Variants in IL17RA observed in about 807,000 individuals in gnomAD.
The protein encoded by IL17RA is interleukin 17 receptor A.
In IL17RA, 34 loss-of-function variants were observed where a neutral mutation model predicts 50.4. The ratio of observed to expected loss-of-function variants is 0.67; its 90% CI spans 0.51 to 0.90. IL17RA has a LOEUF of 0.90. IL17RA is among the 40% of genes least tolerant of loss of function. The pLI is 0.00. For missense variants in IL17RA, 1,276 were observed against 1,169.8 expected, an observed-to-expected ratio of 1.09 and a Z score of -1.32; for synonymous variants, 585 against 510.4, an observed-to-expected ratio of 1.15 and a Z score of -1.97.
intron 10 of IL17RA, 102 bp from the exon 11 acceptor site, chr22:17,105,751 G>C (rs1454256084): frequency 7.2e-7 from 1 of 1,394,112 alleles, no homozygotes. Context: ...GTCGTGGTGG[G>C]GCCAGAGAGG....
Position 17,108,356 on chromosome 22 carries a change from G to C in IL17RA, c.1137G>C (p.Lys379Asn), listed in dbSNP as rs879576. 1.2e-6 allele frequency: 2 copies of C among 1,613,996 alleles called. No individual in the cohort carries two copies. The highest frequency in any genetic ancestry group is 1.7e-6 in the Non-Finnish European group (2 of 1,179,984). ...TCCCCCCACCGCTGAAGCCCAGGAA[G>C]GTCTGGATCATCTACTCAGCCGACC... Reference protein sequence around the residue: ...DLIPPPLKPRKVWIIYSADHP... With the variant: ...DLIPPPLKPRNVWIIYSADHP... The change falls in exon 13 of 13, where the codon AAG (lysine) becomes AAC (asparagine). Residue 379 changes from lysine (K) to asparagine (N), a missense_variant. Physicochemically the swap from Lys to Asn is moderately conservative, Grantham distance 94. Coordinates refer to ENST00000319363, the MANE Select transcript of IL17RA (RefSeq NM_014339.7).
In IL17RA at chr22:17,110,111, T is replaced by G. The variant is rs2061434704; in HGVS notation, c.*291T>G. The G allele has an allele frequency of 4.4e-6, 2 of 456,302 alleles. No individual in the cohort carries two copies. The highest frequency in any genetic ancestry group is 2.2e-5 in the South Asian group (1 of 46,098). 28.3% of individuals were successfully genotyped at this position (456,302 alleles called of 1,614,324 possible). Reference sequence around the variant, plus strand: ...CATTCAGCATTTATTGTGCACCTACTATGTGGCGGGCATTTGGGATACCAA... The same window carrying G: ...CATTCAGCATTTATTGTGCACCTACGATGTGGCGGGCATTTGGGATACCAA... On this transcript the variant is annotated 3_prime_UTR_variant, in exon 13 of 13. Transcript: ENST00000319363.
Position 17,111,748 on chromosome 22 carries a change from A to G in IL17RA, c.*1928A>G, listed in dbSNP as rs1420244049. On this transcript the variant is annotated 3_prime_UTR_variant, in exon 13 of 13. Coordinates refer to ENST00000319363, the MANE Select transcript of IL17RA (RefSeq NM_014339.7). ...TGCATGTGTGTGTGCGCACACATAC[A>G]TGTGCGTGAAAGATTATCAATAAAA... The G allele has an allele frequency of 6.6e-6, 1 of 152,216 alleles. No individual in the cohort carries two copies. The highest frequency in any genetic ancestry group is 1.5e-5 in the Non-Finnish European group (1 of 68,042). 9.4% of individuals were successfully genotyped at this position (152,216 alleles called of 1,614,324 possible).
chr22:17,107,841 G>A, intron 12 of IL17RA, 73 bp downstream of exon 12: 1 of 1,344,490 alleles, frequency 7.4e-7, no homozygotes, highest in Non-Finnish European at 1.1e-6. Context: ...AAGTGCGTGG[G>A]TCGCCTCCTG....
intron 3 of IL17RA, 25 bp from the exon 4 acceptor site, chr22:17,098,750 G>C: frequency 6.3e-7 from 1 of 1,591,952 alleles, no homozygotes; most frequent in Non-Finnish European, 8.6e-7. Context: ...GCATCTGTTT[G>C]TCTTCTCTTC....
intron 2 of IL17RA, chr22:17,097,501 C>A (rs1009209230): frequency 1.3e-5 from 7 of 545,282 alleles, no homozygotes; most frequent in African/African-American, 1.1e-4. Flanking sequence ...GCAGCTCTTA[C>A]TACAACTGCA....
chr22:17,086,276 C>A (rs1260680784), intron 1 of IL17RA, among the ~76,000 whole-genome samples: 1 of 151,850 alleles, frequency 6.6e-6, no homozygotes, highest in African/African-American at 2.4e-5. Flanking sequence ...TGCTCAGTAT[C>A]TGAGTCAGAG....
intron 12 of IL17RA, among the ~76,000 whole-genome samples, 187 bp from the exon 13 acceptor site, chr22:17,108,120 A>T (rs1180394562): frequency 6.6e-6 from 1 of 152,180 alleles, no homozygotes; most frequent in Non-Finnish European, 1.5e-5. Context: ...CAGCAGACTG[A>T]TTTTTTTCAG....
chr22:17,087,503 C>T (rs982122569), intron 1 of IL17RA, among the ~76,000 whole-genome samples: 3 of 152,204 alleles, frequency 2.0e-5, no homozygotes, highest in African/African-American at 4.8e-5. Context: ...GCACAGGATG[C>T]GGGGGCTATT....
chr22:17,100,140 TTAA>T (rs1568919431), intron 4 of IL17RA, among the ~76,000 whole-genome samples: 4 of 76,378 alleles, frequency 5.2e-5, no homozygotes, highest in African/African-American at 2.0e-4. Flanking sequence ...AGATCCAGGT[TTAA>T]AAAAAAAAAA....
chr22:17,098,078 A>G (rs2061374815), intron 3 of IL17RA, 135 bp downstream of exon 3: 1 of 983,382 alleles, frequency 1.0e-6, no homozygotes, highest in Non-Finnish European at 1.6e-6. Context: ...AGGATCCGTC[A>G]TTTCATGCAG....
At chr22:17,088,725 T>C (rs1247568866) in intron 1 of IL17RA, among the ~76,000 whole-genome samples, 1 of 152,142 alleles carries the variant, frequency 6.6e-6, no homozygotes, top group Non-Finnish European at 1.5e-5. Flanking sequence ...TGACCTCAAG[T>C]GTTCTGCCCA....
In IL17RA at chr22:17,109,423, C is replaced by T. The variant is rs569989686; in HGVS notation, c.2204C>T (p.Ala735Val). ...DSPLGSSTPM[A>V]SPDLLPEDVR... is the part of the protein sequence containing the mutation. ...CCCCTTGGCAGCAGCACCCCCATGG[C>T]GTCTCCTGACCTCCTTCCAGAGGAC... The change falls in exon 13 of 13, where the codon GCG (alanine) becomes GTG (valine). Residue 735 changes from alanine (A) to valine (V), a missense_variant. By Grantham distance (64) the Ala-to-Val change is moderately conservative. Transcript: ENST00000319363. The T allele has an allele frequency of 6.2e-6, 10 of 1,613,364 alleles. No homozygotes were observed. The highest frequency in any genetic ancestry group is 5.3e-5 in the African/African-American group (4 of 75,058).
At chr22:17,085,921 C>G (rs1303006214) in intron 1 of IL17RA, among the ~76,000 whole-genome samples, 2 of 152,190 alleles carry the variant, frequency 1.3e-5, no homozygotes, top group Non-Finnish European at 2.9e-5. Flanking sequence ...TCCCCAGAGG[C>G]GCGAAGCCCT....
Position 17,098,860 on chromosome 22 carries a change from G to C in IL17RA, c.396G>C (p.Leu132=), listed in dbSNP as rs2061378981. 1.2e-5 allele frequency: 19 copies of C among 1,614,200 alleles called. No individual in the cohort carries two copies. The highest frequency in any genetic ancestry group is 1.6e-5 in the Non-Finnish European group (19 of 1,180,028). Residue 132 remains leucine (L), a synonymous_variant, in exon 4 of 13, where the codon CTG becomes CTC. Coordinates refer to ENST00000319363, the MANE Select transcript of IL17RA (RefSeq NM_014339.7). ...NERLCVRFEF[L]SKLRHHHRRW... Reference sequence around the variant, plus strand: ...GTTTGTGCGTCAGGTTTGAGTTTCTGTCCAAACTGAGGCATCACCACAGGC... The same window carrying C: ...GTTTGTGCGTCAGGTTTGAGTTTCTCTCCAAACTGAGGCATCACCACAGGC...
Position 17,109,750 on chromosome 22 carries a change from T to G in IL17RA, c.2531T>G (p.Leu844Arg). Reference sequence around the variant, plus strand: ...CTGAGGAGCCTCCAGCGGCAGCTGCTTTTCCGCCAGCTGCAGAAGAACTCG... The same window carrying G: ...CTGAGGAGCCTCCAGCGGCAGCTGCGTTTCCGCCAGCTGCAGAAGAACTCG... The part of the protein sequence containing the change: ...ESLRSLQRQL[L>R]FRQLQKNSGW... The change falls in exon 13 of 13, where the codon CTT (leucine) becomes CGT (arginine). Residue 844 changes from leucine to arginine, a missense_variant. Coordinates refer to ENST00000319363, the MANE Select transcript of IL17RA (RefSeq NM_014339.7). 1 of 1,559,490 alleles carries G rather than the reference T, an allele frequency of 6.4e-7. No homozygotes were observed. Among genetic ancestry groups the G allele is most frequent in the Non-Finnish European group, 8.7e-7 (1 of 1,152,160 alleles).
At position 17,109,781 on chromosome 22, in the gene IL17RA, G is replaced by C. The variant is rs1325289390; in HGVS notation, c.2562G>C (p.Trp854Cys). Residue 854 changes from tryptophan (W) to cysteine (C), a missense_variant, in exon 13 of 13, where the codon TGG (tryptophan) becomes TGC (cysteine). Coordinates refer to ENST00000319363, the MANE Select transcript of IL17RA (RefSeq NM_014339.7). ...GCCAGCTGCAGAAGAACTCGGGCTG[G>C]GACACGATGGGGTCAGAGTCAGAGG... ...LFRQLQKNSG[W>C]DTMGSESEGP... is the part of the protein sequence containing the mutation. The C allele has an allele frequency of 6.4e-7, 1 of 1,550,974 alleles. No individual in the cohort carries two copies. The highest frequency in any genetic ancestry group is 1.2e-5 in the South Asian group (1 of 84,180).
intron 1 of IL17RA, among the ~76,000 whole-genome samples, chr22:17,094,302 A>G (rs2061358004): frequency 6.6e-6 from 1 of 152,086 alleles, no homozygotes; most frequent in Non-Finnish European, 1.5e-5. Context: ...TCTTCTTTAC[A>G]GGAGCTATGC....
chr22:17,105,800 G>T, intron 10 of IL17RA, 53 bp from the exon 11 acceptor site: 1 of 1,525,330 alleles, frequency 6.6e-7, no homozygotes, highest in Non-Finnish European at 9.0e-7. Context: ...GGGGGCCTCA[G>T]GGTGGGCAGG....
Sources: gnomAD v4.1 joint callset for allele counts (sites outside exome capture counted in the v4.1 genomes callset) on GRCh38, gnomAD v4.1.1 for gene constraint, MANE v1.5 for transcripts, NCBI Gene and HGNC (gene_info 2026-07-23, HGNC 2026-07-21) for gene names.